NXN: variants seen among roughly 807,000 people sequenced by gnomAD.
NXN encodes nucleoredoxin, also known as nucleoredoxin 1.
A neutral mutation model predicts 48.6 loss-of-function variants in NXN; 16 were observed. The observed-to-expected ratio is 0.33, with a 90% confidence interval of 0.22 to 0.50. The LOEUF is 0.50. Ranked by LOEUF, NXN falls within the 20% of genes least tolerant of loss-of-function variation. The probability of loss-of-function intolerance (pLI) is 0.98; values close to 1 mark genes in which losing one functional copy is unlikely to be tolerated. For missense variants in NXN, 492 were observed against 605.5 expected (o/e 0.81, Z 1.97); for synonymous variants, 281 against 269.6 (o/e 1.04, Z -0.41).
chr17:909,846 G>A (rs568329251), intron 1 of NXN: 1 of 152,194 alleles, frequency 6.6e-6, no homozygotes, highest in East Asian at 1.9e-4. Context: ...CCGGAAATGA[G>A]TCTTAAGCAA....
chr17:887,878 C>T (rs1224220186), intron 1 of NXN, among the ~76,000 whole-genome samples: 4 of 152,206 alleles, frequency 2.6e-5, no homozygotes, highest in East Asian at 1.9e-4. Flanking sequence ...TGGGCTTCAG[C>T]GTCACGGAGG....
intron 1 of NXN, chr17:959,407 G>A (rs371402464): frequency 1.6e-4 from 32 of 206,388 alleles, no homozygotes; most frequent in African/African-American, 4.9e-4. Flanking sequence ...CGGGCAGGGC[G>A]CCACTGGCCT....
At chr17:939,929 C>A (rs943346515) in intron 1 of NXN, among the ~76,000 whole-genome samples, 1 of 147,714 alleles carries the variant, frequency 6.8e-6, no homozygotes, top group African/African-American at 2.5e-5. Context: ...AGTCAACTCC[C>A]GCTTCCAGTA....
intron 1 of NXN, among the ~76,000 whole-genome samples, chr17:965,938 A>T (rs1472217115): frequency 6.6e-6 from 1 of 151,988 alleles, no homozygotes; most frequent in Non-Finnish European, 1.5e-5. Context: ...AACATGGTGG[A>T]ACCCTGTCTC....
chr17:926,144 T>A (rs1315737784), intron 1 of NXN, among the ~76,000 whole-genome samples: 1 of 152,204 alleles, frequency 6.6e-6, no homozygotes, highest in Non-Finnish European at 1.5e-5. Context: ...CAATGTTAGA[T>A]CCGCACATTC....
At chr17:959,044 C>T (rs1389242029) in intron 1 of NXN, 5 of 269,192 alleles carry the variant, frequency 1.9e-5, no homozygotes, top group Middle Eastern at 1.1e-3. Context: ...ATGGTGGCCG[C>T]GGTGTGGTCA....
chr17:806,485 C>T (rs1163064637), intron 5 of NXN, among the ~76,000 whole-genome samples: 8 of 152,160 alleles, frequency 5.3e-5, no homozygotes, highest in East Asian at 1.9e-4. Context: ...CCCCACTCCC[C>T]GCAGCCTCTC....
chr17:955,790 A>G (rs929012557), intron 1 of NXN, among the ~76,000 whole-genome samples: 1 of 151,972 alleles, frequency 6.6e-6, no homozygotes, highest in Admixed American at 6.6e-5. Context: ...TAGTCCCAGC[A>G]ACTCGGGAGG....
chr17:808,821 C>T (rs562328836), intron 5 of NXN, among the ~76,000 whole-genome samples: 290 of 151,674 alleles, frequency 1.9e-3, no homozygotes, highest in African/African-American at 6.7e-3. Context: ...ATTACAGGCA[C>T]CCGCCACCAC....
chr17:816,324 C>T (rs71357116), intron 5 of NXN, among the ~76,000 whole-genome samples: 3,574 of 143,644 alleles, frequency 0.025, 64 homozygotes, highest in Middle Eastern at 0.052. Context: ...CTTACAGCCC[C>T]CCAGACCTTC....
chr17:942,485 C>T (rs1179564990), intron 1 of NXN, among the ~76,000 whole-genome samples: 2 of 62,314 alleles, frequency 3.2e-5, no homozygotes, highest in Admixed American at 3.0e-4. Context: ...CACCAAACAC[C>T]TCCCTGGATT....
chr17:900,193 G>T (rs879673681), intron 1 of NXN, among the ~76,000 whole-genome samples: 1 of 152,106 alleles, frequency 6.6e-6, no homozygotes, highest in African/African-American at 2.4e-5. Context: ...TGAACCCGGG[G>T]GGGCAGAGGT....
chr17:969,096 T>A (rs979037820), intron 1 of NXN, among the ~76,000 whole-genome samples: 6 of 152,190 alleles, frequency 3.9e-5, no homozygotes, highest in Non-Finnish European at 5.9e-5. Context: ...TGAATTCCTC[T>A]CTCTTATAAT....
At chr17:913,922 C>CAA (rs1254354692) in intron 1 of NXN, among the ~76,000 whole-genome samples, 5 of 152,146 alleles carry the variant, frequency 3.3e-5, no homozygotes, top group Admixed American at 6.6e-5. Context: ...ATTTTTGAGA[C>CAA]AGAGTCTCGC....
intron 5 of NXN, among the ~76,000 whole-genome samples, chr17:817,618 A>G (rs1009367883): frequency 2.0e-5 from 3 of 151,404 alleles, no homozygotes; most frequent in Admixed American, 6.6e-5. Flanking sequence ...GCAGTGAACC[A>G]AGATTGCGCC....
At chr17:842,091 C>G (rs1285164068) in intron 1 of NXN, among the ~76,000 whole-genome samples, 3 of 152,066 alleles carry the variant, frequency 2.0e-5, no homozygotes, top group East Asian at 1.9e-4. Context: ...AGCTGAGATC[C>G]CGCCATTGCA....
chr17:924,528 C>T (rs111373318), intron 1 of NXN, among the ~76,000 whole-genome samples: 13,581 of 152,274 alleles, frequency 0.089, 695 homozygotes, highest in African/African-American at 0.12. Flanking sequence ...TGAGCCACTG[C>T]GCCCGGCCGA....
chr17:921,790 C>T (rs1019700542), intron 1 of NXN, among the ~76,000 whole-genome samples: 1 of 148,454 alleles, frequency 6.7e-6, no homozygotes, highest in Non-Finnish European at 1.5e-5. Context: ...AACACCTGGC[C>T]GGCCCAGGCT....
chr17:915,510 C>T (rs2068679810), intron 1 of NXN, among the ~76,000 whole-genome samples: 7 of 152,082 alleles, frequency 4.6e-5, no homozygotes, highest in Non-Finnish European at 8.8e-5. Context: ...GTCTCAAACT[C>T]TTGGGCTCAG....
Sources: allele counts gnomAD v4.1 joint callset (sites outside exome capture counted in the v4.1 genomes callset), GRCh38; gene constraint gnomAD v4.1.1; transcripts MANE v1.5; gene names NCBI Gene and HGNC (gene_info 2026-07-23, HGNC 2026-07-21).